DPP3: variants seen among roughly 807,000 people sequenced by gnomAD.
DPP3 encodes DPP III.
Under a neutral mutation model 89.8 loss-of-function variants are expected in DPP3, and 64 were observed. The ratio of observed to expected loss-of-function variants is 0.71; its 90% CI spans 0.58 to 0.88. The LOEUF is 0.88. Among genes scored for constraint, DPP3 ranks in the 40% least tolerant of loss-of-function variants. The probability of loss-of-function intolerance (pLI) is 0.00; values close to 1 mark genes in which losing one functional copy is unlikely to be tolerated. For synonymous variants in DPP3, 377 were observed against 404.3 expected, an observed-to-expected ratio of 0.93 and a Z score of 0.81; for missense variants, 835 against 972.5, an observed-to-expected ratio of 0.86 and a Z score of 1.88.
At position 66,497,409 on chromosome 11, in the gene DPP3, C is replaced by T. The variant is rs150300932; in HGVS notation, c.1810C>T (p.Arg604Cys). 1,378 of 1,613,932 alleles carry T rather than the reference C, an allele frequency of 8.5e-4. 13 individuals carry two copies. Among genetic ancestry groups the T allele is most frequent in the Non-Finnish European group, 1.0e-4 (120 of 1,180,014 alleles). The change falls in exon 16 of 18, where the codon CGC (arginine) becomes TGC (cysteine). Residue 604 changes from arginine (R) to cysteine (C), a missense_variant. By Grantham distance (180) the Arg-to-Cys change is radical. Coordinates refer to ENST00000531863, the MANE Select transcript of DPP3 (RefSeq NM_130443.4). ...CGATGGGCGCCCAGATGCCCGGGTCCGCCTCGACCGCAGCAAGATCCGGTC... is the reference window on the plus strand; with the variant it reads ...CGATGGGCGCCCAGATGCCCGGGTCTGCCTCGACCGCAGCAAGATCCGGTC... Reference protein sequence around the residue: ...GSDGRPDARVRLDRSKIRSVG... With the variant: ...GSDGRPDARVCLDRSKIRSVG...
intron 16 of DPP3, among the ~76,000 whole-genome samples, chr11:66,499,775 GA>G (rs951565465): frequency 2.8e-4 from 40 of 142,336 alleles, no homozygotes; most frequent in African/African-American, 8.0e-4. Flanking sequence ...GCCTCAAAAA[GA>G]AAAAAAAAAA....
At position 66,497,286 on chromosome 11, in the gene DPP3, C is replaced by T; in HGVS notation, c.1699-12C>T. 6.2e-7 allele frequency: 1 copy of T among 1,611,530 alleles called. No individual in the cohort carries two copies. The highest frequency in any genetic ancestry group is 1.1e-5 in the South Asian group (1 of 90,878). On this transcript the variant is annotated splice_polypyrimidine_tract_variant and intron_variant, in intron 15 of 17. Transcript: ENST00000531863. ...ACGGGCTACAAATGCTGTCTTTCCC[C>T]TGCTCCGGCAGGCCCATATGCAGGC...
chr11:66,490,094 G>A (rs1447854490), intron 6 of DPP3, among the ~76,000 whole-genome samples: 25 of 143,858 alleles, frequency 1.7e-4, no homozygotes, highest in Admixed American at 9.5e-4. Flanking sequence ...CAGGAGGATC[G>A]CTTGAGCCCA....
chr11:66,499,091 G>A (rs532481196), intron 16 of DPP3, among the ~76,000 whole-genome samples: 1 of 152,260 alleles, frequency 6.6e-6, no homozygotes, highest in African/African-American at 2.4e-5. Flanking sequence ...TGCTGGGCGC[G>A]GTGGCTCACG....
In DPP3 at chr11:66,492,720, C is replaced by T. The variant is rs17849480; in HGVS notation, c.993C>T (p.Phe331=). 3,356 of 1,585,064 alleles carry T rather than the reference C, an allele frequency of 2.1e-3. 54 individuals are homozygous for T. The African/African-American group carries it at 0.038, about 18-fold the overall frequency. The change falls in exon 10 of 18, where the codon TTC becomes TTT. Residue 331 remains phenylalanine (F), a synonymous_variant. Transcript: ENST00000531863. The part of the protein sequence containing the change: ...PFGSRGEFEG[F]VAVVNKAMSA... Reference sequence around the variant, plus strand: ...AACCCCCTCCCTCCTCTGCAGGTTTCGTAGCTGTGGTGAACAAGGCCATGA... The same window carrying T: ...AACCCCCTCCCTCCTCTGCAGGTTTTGTAGCTGTGGTGAACAAGGCCATGA...
At chr11:66,490,032 A>C (rs1021205827) in intron 6 of DPP3, among the ~76,000 whole-genome samples, 1 of 151,334 alleles carries the variant, frequency 6.6e-6, no homozygotes, top group African/African-American at 2.4e-5. Flanking sequence ...GTCACAGTTG[A>C]GCTGGATATG....
intron 3 of DPP3, 38 bp from the exon 4 acceptor site, chr11:66,486,502 G>A: frequency 2.7e-6 from 4 of 1,468,112 alleles, no homozygotes; most frequent in Non-Finnish European, 3.6e-6. Context: ...GCAGGTTTGG[G>A]TGGTGTGACT....
rs778207684 is a variant in DPP3, at chr11:66,491,543, A to C, written c.848A>C (p.Glu283Ala). Residue 283 changes from glutamate (E) to alanine (A), a missense_variant, in exon 8 of 18, where the codon GAG becomes GCG. Glu to Ala is a moderately radical substitution (Grantham distance 107). Transcript: ENST00000531863. ...HQGQMLAQYI[E>A]SFTQGSIEAH... is the part of the protein sequence containing the mutation. The stretch of plus-strand genomic sequence containing the variant: ...GGGCAGATGCTGGCCCAGTATATAG[A>C]GAGCTTCACCCAGGGCTCCATCGAG... 6 of 1,613,476 alleles carry C rather than the reference A, an allele frequency of 3.7e-6. No homozygotes were observed. In the East Asian group the frequency reaches 1.1e-4, roughly 30 times the overall value.
chr11:66,491,824 C>A, intron 9 of DPP3, 68 bp downstream of exon 9: 1 of 1,560,466 alleles, frequency 6.4e-7, no homozygotes, highest in Non-Finnish European at 8.8e-7. Flanking sequence ...TTTCCAGTGT[C>A]CCCTGATGGT....
In DPP3 at chr11:66,497,326, TGA is replaced by T; in HGVS notation, c.1731_1732del (p.Arg577SerfsTer72). On this transcript the variant is annotated frameshift_variant, in exon 16 of 18. Transcript: ENST00000531863. LOFTEE classifies it high-confidence loss of function. ...CATATGCAGGCCCGGTTTGTGATCC[TGA>T]GAGTCTTGCTGGAGGCTGGCGAGGG... is the stretch of plus-strand genomic sequence containing the variant. The T allele has an allele frequency of 6.2e-7, 1 of 1,614,000 alleles. No homozygotes were observed. Among genetic ancestry groups the T allele is most frequent in the Non-Finnish European group, 8.5e-7 (1 of 1,179,992 alleles).
At chr11:66,492,943 GA>G in intron 10 of DPP3, 33 bp downstream of exon 10, 1 of 1,598,014 alleles carries the variant, frequency 6.3e-7, no homozygotes, top group Non-Finnish European at 8.5e-7. Context: ...CCGAGCCCCA[GA>G]AACCTTCCTT....
intron 15 of DPP3, among the ~76,000 whole-genome samples, chr11:66,496,083 C>G (rs777027449): frequency 3.7e-4 from 57 of 152,308 alleles, no homozygotes; most frequent in Non-Finnish European, 4.4e-4. Context: ...TATTGTTACC[C>G]TCATTTTAGA....
chr11:66,504,892 C>A, intron 17 of DPP3, 118 bp downstream of exon 17: 1 of 1,154,506 alleles, frequency 8.7e-7, no homozygotes, highest in Non-Finnish European at 1.2e-6. Flanking sequence ...CCTGGGATGG[C>A]CCTTCCCTTT....
At chr11:66,502,562 C>T (rs1243639609) in intron 16 of DPP3, among the ~76,000 whole-genome samples, 1 of 152,064 alleles carries the variant, frequency 6.6e-6, no homozygotes, top group East Asian at 1.9e-4. Flanking sequence ...CTCCGCCTCC[C>T]AGGTTCATGC....
At chr11:66,494,216 G>A (rs1855474394) in intron 12 of DPP3, among the ~76,000 whole-genome samples, 2 of 152,150 alleles carry the variant, frequency 1.3e-5, no homozygotes, top group Non-Finnish European at 2.9e-5. Flanking sequence ...TGGAAACACA[G>A]ACAGTCATTT....
intron 12 of DPP3, 107 bp downstream of exon 12, chr11:66,493,740 G>C: frequency 8.5e-7 from 1 of 1,178,070 alleles, no homozygotes; most frequent in Non-Finnish European, 1.2e-6. Context: ...CAGGAGCTAT[G>C]GGTTGAGTGG....
rs766161904 is a variant in DPP3, at chr11:66,495,649, G to A, written c.1597G>A (p.Ala533Thr). The stretch of plus-strand genomic sequence containing the variant: ...TCACAGGATCTTTGGCTTTGAGGGG[G>A]CTGATGCGGAGGACGTGATCTACGT... ...QVLEIFGFEG[A>T]DAEDVIYVNW... The change falls in exon 15 of 18, where the codon GCT becomes ACT. Residue 533 changes from alanine (A) to threonine (T), a missense_variant. Transcript: ENST00000531863. 4 of 1,614,152 alleles carry A rather than the reference G, an allele frequency of 2.5e-6. No homozygotes were observed. The highest frequency in any genetic ancestry group is 1.1e-5 in the South Asian group (1 of 91,086).
intron 17 of DPP3, among the ~76,000 whole-genome samples, chr11:66,508,457 A>G (rs1590751031): frequency 1.3e-5 from 2 of 152,034 alleles, no homozygotes; most frequent in East Asian, 3.9e-4. Context: ...CTGAATTGTG[A>G]GCTTCAGGAC....
Position 66,491,805 on chromosome 11 carries a change from A to G in DPP3, c.988+49A>G, listed in dbSNP as rs773719685. Reference sequence around the variant, plus strand: ...AGTCACAGTCCCTTCCCCCACATCCAAGTCCACGTTTCCAGTGTCCCCTGA... The same window carrying G: ...AGTCACAGTCCCTTCCCCCACATCCGAGTCCACGTTTCCAGTGTCCCCTGA... On this transcript the variant is annotated intron_variant, in intron 9 of 17. Coordinates refer to ENST00000531863, the MANE Select transcript of DPP3 (RefSeq NM_130443.4). The G allele has an allele frequency of 1.9e-6, 3 of 1,600,964 alleles. No individual in the cohort carries two copies. In the East Asian group the frequency reaches 6.7e-5, roughly 36 times the overall value.
Sources: gnomAD v4.1 joint callset for allele counts (sites outside exome capture counted in the v4.1 genomes callset) on GRCh38, gnomAD v4.1.1 for gene constraint, MANE v1.5 for transcripts, NCBI Gene and HGNC (gene_info 2026-07-23, HGNC 2026-07-21) for gene names.